Variants in IL6R observed in about 807,000 individuals in gnomAD.
IL6R encodes the protein interleukin 6 receptor.
Under a neutral mutation model 48.3 loss-of-function variants are expected in IL6R, and 38 were observed. The ratio of observed to expected loss-of-function variants is 0.79; its 90% CI spans 0.61 to 1.03. IL6R has a LOEUF of 1.03. Among genes scored for constraint, IL6R ranks in the 50% least tolerant of loss-of-function variants. The probability of loss-of-function intolerance (pLI) is 0.00; values close to 1 mark genes in which losing one functional copy is unlikely to be tolerated. For synonymous variants in IL6R, 264 were observed against 256.2 expected, an observed-to-expected ratio of 1.03 and a Z score of -0.29; for missense variants, 534 against 618.3, an observed-to-expected ratio of 0.86 and a Z score of 1.45.
At chr1:154,430,450 C>G (rs764719540) in intron 2 of IL6R, 33 bp from the exon 3 acceptor site, 1 of 1,609,276 alleles carries the variant, frequency 6.2e-7, no homozygotes, top group Non-Finnish European at 8.5e-7. Flanking sequence ...GATCCCCGCC[C>G]GCCTGCTGAC....
In IL6R at chr1:154,441,653, C is replaced by T. The variant is rs764521990; in HGVS notation, c.949+5543C>T. Among the ~76,000 whole-genome samples, 7 of 152,072 alleles carry T rather than the reference C, an allele frequency of 4.6e-5. No homozygotes were observed. In the South Asian group the frequency reaches 6.2e-4, roughly 14 times the overall value. ...TAGGTGAGGTGTGTGTTATGGACCACGGTTATTTGGCTGTTAGGGACGCAT... is the reference window on the plus strand; with the variant it reads ...TAGGTGAGGTGTGTGTTATGGACCATGGTTATTTGGCTGTTAGGGACGCAT... On this transcript the variant is annotated intron_variant, in intron 6 of 9. Transcript: ENST00000368485.
intron 1 of IL6R, 81 bp from the exon 2 acceptor site, chr1:154,429,115 C>T (rs1689140269): frequency 2.0e-6 from 3 of 1,470,324 alleles, no homozygotes; most frequent in Admixed American, 1.9e-5. Flanking sequence ...TCACTGAGGC[C>T]TCTCGTGGCT....
chr1:154,463,844 C>T (rs774944529), intron 9 of IL6R, among the ~76,000 whole-genome samples: 1 of 152,220 alleles, frequency 6.6e-6, no homozygotes, highest in African/African-American at 2.4e-5. Flanking sequence ...AGAAAGATGT[C>T]TATCTCCTTC....
chr1:154,426,365 G>A (rs1324167759), intron 1 of IL6R, among the ~76,000 whole-genome samples: 2 of 146,624 alleles, frequency 1.4e-5, no homozygotes, highest in Non-Finnish European at 3.0e-5. Flanking sequence ...ACAAAAAAAG[G>A]AAAAAATTAG....
At chr1:154,416,909 G>A (rs1286338775) in intron 1 of IL6R, among the ~76,000 whole-genome samples, 1 of 152,136 alleles carries the variant, frequency 6.6e-6, no homozygotes, top group African/African-American at 2.4e-5. Context: ...GGGGAGCCCT[G>A]AAATCCCCCT....
intron 1 of IL6R, among the ~76,000 whole-genome samples, chr1:154,423,292 T>TATATATA (rs1463974212): frequency 1.6e-4 from 22 of 139,400 alleles, no homozygotes; most frequent in South Asian, 2.3e-4. Flanking sequence ...TATGTATTCA[T>TATATATA]TATAAGAGCA....
rs1687673354 is a variant in IL6R, at chr1:154,405,783, C to T, written c.85+69C>T. 8.5e-7 allele frequency: 1 copy of T among 1,176,906 alleles called. No individual in the cohort carries two copies. The allele number at this position is 1,176,906 out of a possible 1,614,324, so 72.9% of individuals were successfully genotyped here. On this transcript the variant is annotated intron_variant, in intron 1 of 9. Transcript: ENST00000368485. This position sits in a 1 kb window ranked among gnomAD's most constrained non-coding sequence, Gnocchi z 5.2. Reference sequence around the variant, plus strand: ...CTGGGGGAAACCGCCTTGGTCACCGCAGTCTGTGGGAGGCTGGAGGGAGGA... The same window carrying T: ...CTGGGGGAAACCGCCTTGGTCACCGTAGTCTGTGGGAGGCTGGAGGGAGGA...
At position 154,405,991 on chromosome 1, in the gene IL6R, C is replaced by A. The variant is rs1238557268; in HGVS notation, c.85+277C>A. The stretch of plus-strand genomic sequence containing the variant: ...TGCGGTCTGTGTACAGGACTGTGTC[C>A]TTGCAAACCTGACTCTCGAGCTTCC... On this transcript the variant is annotated intron_variant, in intron 1 of 9. Coordinates refer to ENST00000368485, the MANE Select transcript of IL6R (RefSeq NM_000565.4). This position sits in a 1 kb window ranked among gnomAD's most constrained non-coding sequence, Gnocchi z 5.2. 2.0e-5 allele frequency among the ~76,000 whole-genome samples: 3 copies of A among 152,182 alleles called. No individual in the cohort carries two copies. Among genetic ancestry groups the A allele is most frequent in the Non-Finnish European group, 4.4e-5 (3 of 68,020 alleles).
At chr1:154,440,222 CAT>C (rs199523184) in intron 6 of IL6R, among the ~76,000 whole-genome samples, 1,972 of 152,318 alleles carry the variant, frequency 0.013, 38 homozygotes, top group African/African-American at 0.044. Context: ...TGTGGTATAA[CAT>C]GTGTCAGACT....
intron 6 of IL6R, among the ~76,000 whole-genome samples, chr1:154,441,406 T>C (rs1255803146): frequency 6.6e-6 from 1 of 152,114 alleles, no homozygotes; most frequent in African/African-American, 2.4e-5. Flanking sequence ...TTTCTTCTCA[T>C]GTAAGGAGCG....
chr1:154,447,462 T>C (rs1189892137), intron 6 of IL6R, among the ~76,000 whole-genome samples: 2,944 of 88,186 alleles, frequency 0.033, 404 homozygotes, highest in African/African-American at 0.17. Context: ...AAAATATATA[T>C]ATATATATAT....
chr1:154,462,778 T>C (rs1431600637), intron 9 of IL6R, among the ~76,000 whole-genome samples: 2 of 152,154 alleles, frequency 1.3e-5, no homozygotes, highest in African/African-American at 4.8e-5. Flanking sequence ...ACCAATTATT[T>C]GGGTGTTATT....
chr1:154,466,791 T>G lies in IL6R; in HGVS notation c.*1411T>G, dbSNP rs142901087. The G allele has an allele frequency of 7.2e-3, 1,257 of 173,820 alleles. 24 individuals are homozygous for G. Among genetic ancestry groups the G allele is most frequent in the African/African-American group, 0.028 (1,184 of 41,966 alleles). The allele number at this position is 173,820 out of a possible 1,614,324, so 10.8% of individuals were successfully genotyped here. On this transcript the variant is annotated 3_prime_UTR_variant, in exon 10 of 10. Coordinates refer to ENST00000368485, the MANE Select transcript of IL6R (RefSeq NM_000565.4). ...TGAGCCTGGGAGGTCAAGGCTGCAG[T>G]GAGCCGAGATTGCACCACTGCACTC...
chr1:154,414,565 A>G lies in IL6R; in HGVS notation c.85+8851A>G, dbSNP rs563224869. The G allele has an allele frequency of 2.0e-5, 15 of 748,388 alleles. No homozygotes were observed. The Admixed American group carries it at 3.0e-4, about 15-fold the overall frequency. The allele number at this position is 748,388 out of a possible 1,614,324, so 46.4% of individuals were successfully genotyped here. A position where few individuals can be genotyped will look rare whatever the true frequency, so the allele number is the denominator to read the frequency against. On this transcript the variant is annotated intron_variant, in intron 1 of 9. Coordinates refer to ENST00000368485, the MANE Select transcript of IL6R (RefSeq NM_000565.4). ...AGAAGAGGATCTGGTGGCCTCGGTAAAAGGGATTTTCTCATAGGCTTTCTT... is the reference window on the plus strand; with the variant it reads ...AGAAGAGGATCTGGTGGCCTCGGTAGAAGGGATTTTCTCATAGGCTTTCTT...
At chr1:154,438,356 A>G (rs1689751625) in intron 6 of IL6R, among the ~76,000 whole-genome samples, 1 of 152,072 alleles carries the variant, frequency 6.6e-6, no homozygotes, top group Admixed American at 6.6e-5. Context: ...AAATGCTTCC[A>G]GAGACAGAGA....
At chr1:154,456,206 CT>C (rs34592707) in intron 9 of IL6R, among the ~76,000 whole-genome samples, 340 of 134,968 alleles carry the variant, frequency 2.5e-3, no homozygotes, top group Middle Eastern at 7.8e-3. Context: ...TGAATAGATT[CT>C]TTTTTTTTTT....
chr1:154,437,206 C>T (rs556469883), intron 6 of IL6R, among the ~76,000 whole-genome samples: 1 of 152,238 alleles, frequency 6.6e-6, no homozygotes, highest in South Asian at 2.1e-4. Flanking sequence ...ATGCCATTCT[C>T]CTGCCTCAGC....
chr1:154,442,754 A>C (rs997088864), intron 6 of IL6R, among the ~76,000 whole-genome samples: 2 of 150,708 alleles, frequency 1.3e-5, no homozygotes, highest in Non-Finnish European at 2.9e-5. Flanking sequence ...TCACATCAAC[A>C]TTGAGTCTGG....
intron 1 of IL6R, among the ~76,000 whole-genome samples, chr1:154,412,580 A>G (rs577892202): frequency 5.3e-5 from 8 of 152,118 alleles, no homozygotes; most frequent in Non-Finnish European, 1.0e-4. Flanking sequence ...TTTTGATGGG[A>G]GGAGGGGGAT....
Sources: allele counts gnomAD v4.1 joint callset (sites outside exome capture counted in the v4.1 genomes callset), GRCh38; gene constraint gnomAD v4.1.1; non-coding constraint Gnocchi (gnomAD v3.1); transcripts MANE v1.5; gene names NCBI Gene and HGNC (gene_info 2026-07-23, HGNC 2026-07-21).